TENM2: variants seen among roughly 807,000 people sequenced by gnomAD.
The protein encoded by TENM2 is teneurin transmembrane protein 2.
In TENM2, 52 loss-of-function variants were observed where a neutral mutation model predicts 245.2. That is an observed-to-expected ratio of 0.21 (90% CI 0.17 to 0.27). The LOEUF (loss-of-function observed/expected upper bound fraction) is 0.27. Ranked by LOEUF, TENM2 falls within the 10% of genes least tolerant of loss-of-function variation. The pLI is 1.00. For synonymous variants in TENM2, 1,363 were observed against 1,438.9 expected (o/e 0.95, Z 1.19); for missense variants, 3,046 against 3,666.8 (o/e 0.83, Z 4.37).
intron 3 of TENM2, among the ~76,000 whole-genome samples, chr5:167,932,141 C>A (rs1778337663): frequency 6.6e-6 from 1 of 152,152 alleles, no homozygotes; most frequent in South Asian, 2.1e-4. Context: ...TTCTGTGAGG[C>A]ATCATCTGTT....
the TENM2 span, among the ~76,000 whole-genome samples, chr5:167,212,887 T>C: frequency 6.6e-6 from 1 of 152,174 alleles, no homozygotes; most frequent in African/African-American, 2.4e-5. Flanking sequence ...TTTACATCTT[T>C]AACAAGTATT....
At chr5:167,404,947 C>T (rs191098357) in intron 2 of TENM2, among the ~76,000 whole-genome samples, 1 of 152,262 alleles carries the variant, frequency 6.6e-6, no homozygotes, top group African/African-American at 2.4e-5. Context: ...TTCCCCTCCA[C>T]AACTGCCAGT....
At chr5:168,118,433 T>C (rs1211690064) in exon 10 of TENM2, 1 of 1,609,216 alleles carries the variant, frequency 6.2e-7, no homozygotes, top group Non-Finnish European at 8.5e-7. Context: ...GGCTCCTGCA[T>C]TGATGGGAAC....
the TENM2 span, among the ~76,000 whole-genome samples, chr5:167,255,988 T>G: frequency 6.6e-6 from 1 of 152,122 alleles, no homozygotes; most frequent in Admixed American, 6.6e-5. Context: ...TGATGGTGGT[T>G]TGTAAAATGT....
At chr5:166,979,856 T>G in the TENM2 span, among the ~76,000 whole-genome samples, 1 of 152,182 alleles carries the variant, frequency 6.6e-6, no homozygotes, top group Non-Finnish European at 1.5e-5. Context: ...CTCTCTAATG[T>G]TCATCGCAAT....
At chr5:167,884,556 G>C (rs1583278307) in intron 3 of TENM2, among the ~76,000 whole-genome samples, 1 of 152,162 alleles carries the variant, frequency 6.6e-6, no homozygotes, top group Admixed American at 6.5e-5. Flanking sequence ...TTTCATCCAT[G>C]TTGTAGCATG....
chr5:167,522,127 C>A (rs1428580996), intron 2 of TENM2, among the ~76,000 whole-genome samples: 1 of 152,106 alleles, frequency 6.6e-6, no homozygotes, highest in Non-Finnish European at 1.5e-5. Context: ...AATATCCCTA[C>A]TCTTTAATGT....
intron 4 of TENM2, among the ~76,000 whole-genome samples, chr5:167,977,527 C>T (rs1782532901): frequency 6.6e-6 from 1 of 152,170 alleles, no homozygotes; most frequent in African/African-American, 2.4e-5. Context: ...CCTGAAAGCT[C>T]TTTCCTGAAA....
chr5:167,290,516 G>A (rs754604881), intron 1 of TENM2, among the ~76,000 whole-genome samples: 10 of 152,148 alleles, frequency 6.6e-5, no homozygotes, highest in Non-Finnish European at 1.2e-4. Flanking sequence ...TGGTGCAACA[G>A]AAATTTTTCT....
the TENM2 span, among the ~76,000 whole-genome samples, chr5:167,022,626 T>C: frequency 6.6e-6 from 1 of 152,222 alleles, no homozygotes; most frequent in Admixed American, 6.5e-5. Context: ...AGATTTTACA[T>C]AGAAATACAC....
chr5:167,529,541 C>A (rs1771354676), intron 2 of TENM2, among the ~76,000 whole-genome samples: 1 of 152,136 alleles, frequency 6.6e-6, no homozygotes, highest in Non-Finnish European at 1.5e-5. Flanking sequence ...GAGTAACCAG[C>A]ATATATCTTA....
the TENM2 span, among the ~76,000 whole-genome samples, chr5:167,014,528 A>G: frequency 6.6e-6 from 1 of 152,138 alleles, no homozygotes; most frequent in Non-Finnish European, 1.5e-5. Context: ...ATTTTAATGG[A>G]TTCTCCACCC....
At chr5:167,450,442 G>A (rs1295294582) in intron 2 of TENM2, among the ~76,000 whole-genome samples, 2 of 152,000 alleles carry the variant, frequency 1.3e-5, no homozygotes, top group South Asian at 2.1e-4. Flanking sequence ...TAAGAACAAC[G>A]ACTTTGTCTA....
At chr5:168,175,381 C>A (rs1389081517) in intron 13 of TENM2, among the ~76,000 whole-genome samples, 1 of 152,184 alleles carries the variant, frequency 6.6e-6, no homozygotes, top group Non-Finnish European at 1.5e-5. Flanking sequence ...TGTTATAATA[C>A]ATTTCCCTCA....
chr5:167,969,189 T>C (rs534235143), intron 4 of TENM2, among the ~76,000 whole-genome samples: 39 of 152,292 alleles, frequency 2.6e-4, no homozygotes, highest in African/African-American at 7.9e-4. Context: ...TCATCTTGAA[T>C]TGTAGCTCCA....
At chr5:167,834,314 C>T (rs953264203) in intron 2 of TENM2, among the ~76,000 whole-genome samples, 6 of 152,140 alleles carry the variant, frequency 3.9e-5, no homozygotes, top group Admixed American at 1.3e-4. Context: ...GTCCTGGCTC[C>T]TTTTATGGGG....
chr5:167,536,159 T>TA (rs1562035564), intron 2 of TENM2, among the ~76,000 whole-genome samples: 1 of 152,164 alleles, frequency 6.6e-6, no homozygotes, highest in Non-Finnish European at 1.5e-5. Flanking sequence ...GTAAATAGTC[T>TA]AATAATAATA....
At chr5:168,262,822 G>T (rs1473309823) in exon 29 of TENM2, 1 of 1,581,224 alleles carries the variant, frequency 6.3e-7, no homozygotes, top group Non-Finnish European at 8.6e-7. Context: ...AAAATAATCT[G>T]CTGCCATTCC....
chr5:167,079,261 A>ATG, the TENM2 span, among the ~76,000 whole-genome samples: 1 of 131,316 alleles, frequency 7.6e-6, no homozygotes. Flanking sequence ...ATACATCCAT[A>ATG]TATATATATA....
Sources: gnomAD v4.1 joint callset for allele counts (sites outside exome capture counted in the v4.1 genomes callset) on GRCh38, gnomAD v4.1.1 for gene constraint, MANE v1.5 for transcripts, NCBI Gene and HGNC (gene_info 2026-07-23, HGNC 2026-07-21) for gene names.